Variants in BTBD9 observed in about 807,000 individuals in gnomAD.
The protein encoded by BTBD9 is BTB/POZ domain-containing protein 9.
BTBD9 carries 49 observed loss-of-function variants against 64.3 expected under a neutral mutation model. That is an observed-to-expected ratio of 0.76 (90% CI 0.61 to 0.97). The LOEUF is 0.97. BTBD9 is among the 50% of genes least tolerant of loss of function. The pLI is 0.00. For synonymous variants in BTBD9, 260 were observed against 274.7 expected (o/e 0.95, Z 0.53); for missense variants, 598 against 762.1 (o/e 0.78, Z 2.53).
At chr6:38,510,415 A>C (rs561521211) in intron 6 of BTBD9, among the ~76,000 whole-genome samples, 1 of 152,234 alleles carries the variant, frequency 6.6e-6, no homozygotes, top group Non-Finnish European at 1.5e-5. Flanking sequence ...TAGGTGAGTC[A>C]GCGAGTGAGT....
intron 6 of BTBD9, among the ~76,000 whole-genome samples, chr6:38,575,653 GT>G (rs2127470885): frequency 6.6e-6 from 1 of 152,216 alleles, no homozygotes; most frequent in East Asian, 1.9e-4. Context: ...TTATAACCTA[GT>G]AAAAAAGACA....
chr6:38,631,791 G>T (rs1227033502), intron 1 of BTBD9, among the ~76,000 whole-genome samples: 1 of 152,190 alleles, frequency 6.6e-6, no homozygotes, highest in Non-Finnish European at 1.5e-5. Flanking sequence ...ACCCAGCTAC[G>T]CTGGTTCTGA....
chr6:38,389,378 T>C (rs1257824602), intron 6 of BTBD9, among the ~76,000 whole-genome samples: 1 of 152,202 alleles, frequency 6.6e-6, no homozygotes, highest in African/African-American at 2.4e-5. Context: ...TCTTTGTACA[T>C]TCCAAAAAGA....
At chr6:38,564,765 A>G (rs1170023225) in intron 6 of BTBD9, among the ~76,000 whole-genome samples, 2 of 151,884 alleles carry the variant, frequency 1.3e-5, no homozygotes. Context: ...GGTGGTAGGC[A>G]CCTGTAATCC....
intron 6 of BTBD9, among the ~76,000 whole-genome samples, chr6:38,530,734 G>A (rs1464932169): frequency 6.6e-6 from 1 of 151,728 alleles, no homozygotes; most frequent in African/African-American, 2.4e-5. Flanking sequence ...CGAAATCCAA[G>A]ATAAAACAGA....
intron 1 of BTBD9, among the ~76,000 whole-genome samples, chr6:38,608,885 T>C (rs974660522): frequency 2.6e-5 from 4 of 152,198 alleles, no homozygotes; most frequent in East Asian, 1.9e-4. Flanking sequence ...TTTATGAACA[T>C]TGACTTTATT....
chr6:38,520,971 G>T (rs1773246914), intron 6 of BTBD9, among the ~76,000 whole-genome samples: 1 of 151,780 alleles, frequency 6.6e-6, no homozygotes, highest in Non-Finnish European at 1.5e-5. Flanking sequence ...AAAGAAAAAA[G>T]ATATGGGTTG....
At chr6:38,505,968 A>AAAAAAAAAAT (rs1305671313) in intron 6 of BTBD9, among the ~76,000 whole-genome samples, 1 of 109,648 alleles carries the variant, frequency 9.1e-6, no homozygotes, top group East Asian at 5.7e-4. Flanking sequence ...TCTCAACAAA[A>AAAAAAAAAAT]AAAAAAAAAA....
chr6:38,171,043 G>A lies in BTBD9; in HGVS notation c.*3942C>T, dbSNP rs1039343780. The A allele has an allele frequency of 1.4e-4, 21 of 152,228 alleles. No homozygotes were observed. Among genetic ancestry groups the A allele is most frequent in the African/African-American group, 4.8e-4 (20 of 41,458 alleles). The allele number at this position is 152,228 out of a possible 1,614,324, so 9.4% of individuals were successfully genotyped here. On this transcript the variant is annotated 3_prime_UTR_variant, in exon 11 of 11. Transcript: ENST00000481247. ...CACCTTTCTTCCCTGTCCAAAGGGAGGTTCTTAATTGAAGTCTGTGAGGGG... is the reference window on the plus strand; with the variant it reads ...CACCTTTCTTCCCTGTCCAAAGGGAAGTTCTTAATTGAAGTCTGTGAGGGG...
At chr6:38,366,628 T>C (rs992706033) in intron 6 of BTBD9, among the ~76,000 whole-genome samples, 18 of 152,214 alleles carry the variant, frequency 1.2e-4, no homozygotes, top group Admixed American at 3.9e-4. Flanking sequence ...AAACGAAATA[T>C]TTTGGAAGCT....
At chr6:38,500,813 A>C (rs1772161788) in intron 6 of BTBD9, among the ~76,000 whole-genome samples, 1 of 152,238 alleles carries the variant, frequency 6.6e-6, no homozygotes, top group Non-Finnish European at 1.5e-5. Flanking sequence ...AATGTCTTTA[A>C]TGCCAGTGAC....
intron 7 of BTBD9, among the ~76,000 whole-genome samples, chr6:38,320,046 AG>A (rs1472446108): frequency 3.3e-5 from 5 of 152,194 alleles, no homozygotes; most frequent in African/African-American, 1.2e-4. Context: ...TGTTCTGCCC[AG>A]TGTTGGCAGC....
chr6:38,343,488 C>G (rs964075963), intron 7 of BTBD9, among the ~76,000 whole-genome samples: 7 of 152,056 alleles, frequency 4.6e-5, no homozygotes, highest in Non-Finnish European at 1.0e-4. Flanking sequence ...TTCTAAGATC[C>G]TTCTCACTGA....
intron 7 of BTBD9, among the ~76,000 whole-genome samples, chr6:38,291,306 G>C (rs1761944424): frequency 6.6e-6 from 1 of 152,274 alleles, no homozygotes; most frequent in Admixed American, 6.5e-5. Flanking sequence ...ATCTGTTATT[G>C]GTGTATAGGA....
chr6:38,255,032 T>C (rs1441400656), intron 9 of BTBD9, among the ~76,000 whole-genome samples: 3 of 152,170 alleles, frequency 2.0e-5, no homozygotes, highest in South Asian at 2.1e-4. Context: ...AACTGAAGAA[T>C]GGATAAACAA....
At chr6:38,288,499 A>T (rs1349040627) in intron 7 of BTBD9, 38 bp from the exon 8 acceptor site, 1 of 1,571,860 alleles carries the variant, frequency 6.4e-7, no homozygotes, top group South Asian at 1.1e-5. Flanking sequence ...TCAGGATAAG[A>T]GAAGCCAAAT....
chr6:38,496,202 A>G (rs1320114532), intron 6 of BTBD9, among the ~76,000 whole-genome samples: 1 of 152,192 alleles, frequency 6.6e-6, no homozygotes, highest in African/African-American at 2.4e-5. Context: ...GAAGGAAAGA[A>G]AGGGCATCCT....
chr6:38,494,488 G>C (rs1397675800), intron 6 of BTBD9, among the ~76,000 whole-genome samples: 1 of 152,242 alleles, frequency 6.6e-6, no homozygotes, highest in Non-Finnish European at 1.5e-5. Flanking sequence ...CACTAGAGTA[G>C]TAGTAATGAA....
At chr6:38,396,293 T>A (rs1766668944) in intron 6 of BTBD9, among the ~76,000 whole-genome samples, 1 of 152,170 alleles carries the variant, frequency 6.6e-6, no homozygotes, top group Non-Finnish European at 1.5e-5. Flanking sequence ...AAACCAAAAC[T>A]AAAAAGCTTA....
Sources: allele counts gnomAD v4.1 joint callset (sites outside exome capture counted in the v4.1 genomes callset), GRCh38; gene constraint gnomAD v4.1.1; transcripts MANE v1.5; gene names NCBI Gene and HGNC (gene_info 2026-07-23, HGNC 2026-07-21).